Variants in PITX3 observed in about 807,000 individuals in gnomAD.
PITX3 encodes pituitary homeobox 3.
In PITX3, 4 loss-of-function variants were observed where a neutral mutation model predicts 14.2. The ratio of observed to expected loss-of-function variants is 0.28; its 90% CI spans 0.14 to 0.65. The LOEUF is 0.65. Among genes scored for constraint, PITX3 ranks in the 30% least tolerant of loss-of-function variants. PITX3 has a pLI of 0.82. For missense variants in PITX3, 358 were observed against 426.8 expected (o/e 0.84, Z 1.42); for synonymous variants, 194 against 204.5 (o/e 0.95, Z 0.44).
At chr10:102,232,884 T>C (rs1367998551) in intron 1 of PITX3, among the ~76,000 whole-genome samples, 1 of 152,216 alleles carries the variant, frequency 6.6e-6, no homozygotes, top group Non-Finnish European at 1.5e-5. Context: ...CCAGACCTGA[T>C]ATTTCTCCCT....
intron 1 of PITX3, among the ~76,000 whole-genome samples, chr10:102,235,166 T>TCCCCCCCCC (rs1388718222): frequency 4.2e-4 from 25 of 59,054 alleles, no homozygotes; most frequent in Middle Eastern, 7.1e-3. Flanking sequence ...TTATTACCCT[T>TCCCCCCCCC]CCCCCACCCC....
rs2070200181 is a variant in PITX3 at position 102,230,420 on chromosome 10, C to G, written c.*94G>C. 1 of 1,511,012 alleles carries G rather than the reference C, an allele frequency of 6.6e-7. No homozygotes were observed. Among genetic ancestry groups the G allele is most frequent in the East Asian group, 2.5e-5 (1 of 40,640 alleles). The allele number at this position is 1,511,012 out of a possible 1,614,324, so 93.6% of individuals were successfully genotyped here. On this transcript the variant is annotated 3_prime_UTR_variant, in exon 4 of 4. Transcript: ENST00000370002. ...GCTGCCCAAACACCCCTTTCAGACC[C>G]TGGGGCGGGAGCAAGCCAGTCAAAA...
Position 102,230,900 on chromosome 10 carries a change from T to G in PITX3, c.523A>C (p.Asn175His). The change falls in exon 4 of 4, where the codon AAC becomes CAC. Residue 175 changes from asparagine to histidine, a missense_variant. Physicochemically the swap from Asn to His is moderately conservative, Grantham distance 68 (BLOSUM62 1). Around this residue, in one of 3 missense-constraint regions of PITX3, gnomAD observed 236 missense variants for 250.2 expected, o/e 0.94. Transcript: ENST00000370002. ...GCCAGAGGCCCCACGTTGACCGAGT[T>G]GAAGGCGAATGGAAAGGTCTTGGCG... ...LAAKTFPFAF[N>H]SVNVGPLASQ... The G allele has an allele frequency of 6.2e-7, 1 of 1,611,660 alleles. No homozygotes were observed. Among genetic ancestry groups the G allele is most frequent in the Non-Finnish European group, 8.5e-7 (1 of 1,179,302 alleles).
chr10:102,231,947 A>T lies in PITX3; in HGVS notation c.118+16T>A. ...AAGCTGTTATGTCCTGCACCCCCGG[A>T]AGGGGGCGCGCTTACCGCTGTGCTC... On this transcript the variant is annotated intron_variant, in intron 2 of 3. Transcript: ENST00000370002. The T allele has an allele frequency of 1.3e-6, 2 of 1,591,156 alleles. No individual in the cohort carries two copies. The highest frequency in any genetic ancestry group is 1.7e-6 in the Non-Finnish European group (2 of 1,162,782).
intron 1 of PITX3, among the ~76,000 whole-genome samples, chr10:102,237,875 C>A (rs12766894): frequency 6.6e-6 from 1 of 151,892 alleles, no homozygotes; most frequent in Admixed American, 6.6e-5. Flanking sequence ...TCCCGTACTG[C>A]CCTCCTCCCC....
intron 1 of PITX3, among the ~76,000 whole-genome samples, chr10:102,240,126 C>T (rs367569208): frequency 8.5e-5 from 13 of 152,190 alleles, no homozygotes; most frequent in African/African-American, 2.9e-4. Context: ...AGCCATTGGT[C>T]GCCTGATACT....
intron 2 of PITX3, 37 bp from the exon 3 acceptor site, chr10:102,231,827 A>C (rs1455356824): frequency 3.8e-6 from 6 of 1,592,198 alleles, no homozygotes; most frequent in Non-Finnish European, 5.1e-6. Context: ...CAGAGCGCCC[A>C]AGCCAGCGCA....
chr10:102,230,809 G>A lies in PITX3; in HGVS notation c.614C>T (p.Ala205Val). 6.4e-7 allele frequency: 1 copy of A among 1,558,252 alleles called. No individual in the cohort carries two copies. The highest frequency in any genetic ancestry group is 8.7e-7 in the Non-Finnish European group (1 of 1,151,980). Reference protein sequence around the residue: ...AASMVPSAAAAPGTVPGPGAL... With the variant: ...AASMVPSAAAVPGTVPGPGAL... Reference sequence around the variant, plus strand: ...CCCAGGCCCTGGCACGGTGCCCGGGGCAGCCGCGGCGGAGGGCACCATGGA... The same window carrying A: ...CCCAGGCCCTGGCACGGTGCCCGGGACAGCCGCGGCGGAGGGCACCATGGA... The change falls in exon 4 of 4, where the codon GCC becomes GTC. Residue 205 changes from alanine (A) to valine (V), a missense_variant. Ala to Val is a moderately conservative substitution (Grantham distance 64). This residue lies in a region of PITX3 where 236 missense variants were observed against 250.2 expected (regional missense o/e 0.94). Transcript: ENST00000370002.
chr10:102,237,356 C>T (rs1010732787), intron 1 of PITX3, among the ~76,000 whole-genome samples: 7 of 152,096 alleles, frequency 4.6e-5, no homozygotes, highest in Non-Finnish European at 8.8e-5. Context: ...TCTAAATAAT[C>T]AGCAGTGTTG....
At chr10:102,233,681 G>A (rs537249694) in intron 1 of PITX3, among the ~76,000 whole-genome samples, 1 of 152,194 alleles carries the variant, frequency 6.6e-6, no homozygotes, top group East Asian at 1.9e-4. Context: ...AAACCACTGG[G>A]TGCTTGGGCC....
chr10:102,233,235 C>T (rs1334292914), intron 1 of PITX3, among the ~76,000 whole-genome samples: 1 of 151,224 alleles, frequency 6.6e-6, no homozygotes. Context: ...TTGCTTGGGT[C>T]GGCTTCAGCT....
rs1012579728 is a variant in PITX3, at chr10:102,230,254, G to A, written c.*260C>T. 1 of 457,488 alleles carries A rather than the reference G, an allele frequency of 2.2e-6. No homozygotes were observed. The highest frequency in any genetic ancestry group is 4.7e-5 in the South Asian group (1 of 21,108). The allele number at this position is 457,488 out of a possible 1,614,324, so 28.3% of individuals were successfully genotyped here. A position where few individuals can be genotyped will look rare whatever the true frequency, so the allele number is the denominator to read the frequency against. On this transcript the variant is annotated 3_prime_UTR_variant, in exon 4 of 4. Transcript: ENST00000370002. ...AGGGAGGGGAAGCCTGGAGAAGGCG[G>A]GATGGGCCAAGGGTGAGTTGGCCCC... is the stretch of plus-strand genomic sequence containing the variant.
rs1590405767 is a variant in PITX3, at chr10:102,232,021, G to C, written c.60C>G (p.Asp20Glu). 6.2e-7 allele frequency: 1 copy of C among 1,608,876 alleles called. No homozygotes were observed. The highest frequency in any genetic ancestry group is 1.3e-5 in the African/African-American group (1 of 75,030). The change falls in exon 2 of 4, where the codon GAC (aspartate) becomes GAG (glutamate). Residue 20 changes from aspartate to glutamate, a missense_variant. By Grantham distance (45) the Asp-to-Glu change is conservative. This residue lies in a region of PITX3 where 72 missense variants were observed against 79.9 expected (regional missense o/e 0.90). Transcript: ENST00000370002. The part of the protein sequence containing the change: ...EARSPALSLS[D>E]AGTPHPQLPE... Reference sequence around the variant, plus strand: ...GGAGCTGGGGGTGCGGAGTGCCAGCGTCTGACAGCGACAGGGCAGGGCTCC... The same window carrying C: ...GGAGCTGGGGGTGCGGAGTGCCAGCCTCTGACAGCGACAGGGCAGGGCTCC...
chr10:102,233,851 C>T (rs1237836292), intron 1 of PITX3, among the ~76,000 whole-genome samples: 1 of 152,174 alleles, frequency 6.6e-6, no homozygotes, highest in Non-Finnish European at 1.5e-5. Flanking sequence ...CTCACATTGC[C>T]CAGGAGCCTC....
chr10:102,238,482 T>C (rs533925772), intron 1 of PITX3, among the ~76,000 whole-genome samples: 20 of 152,306 alleles, frequency 1.3e-4, no homozygotes, highest in African/African-American at 4.3e-4. Context: ...GCAGGGGTAG[T>C]GGCCAGCATC....
Position 102,231,610 on chromosome 10 carries a change from T to C in PITX3, c.299A>G (p.Asn100Ser). Residue 100 changes from asparagine (N) to serine (S), a missense_variant, in exon 3 of 4, where the codon AAC becomes AGC. Transcript: ENST00000370002. The part of the protein sequence containing the change: ...STREEIAVWT[N>S]LTEARVRVWF... The stretch of plus-strand genomic sequence containing the variant: ...TACCCGCACGCGGGCCTCGGTGAGG[T>C]TGGTCCACACGGCGATCTCCTCGCG... The C allele has an allele frequency of 6.2e-7, 1 of 1,607,924 alleles. No homozygotes were observed. The highest frequency in any genetic ancestry group is 8.5e-7 in the Non-Finnish European group (1 of 1,177,204).
At chr10:102,231,278 G>A (rs1271205371) in intron 3 of PITX3, among the ~76,000 whole-genome samples, 177 bp from the exon 4 acceptor site, 5 of 152,224 alleles carry the variant, frequency 3.3e-5, no homozygotes, top group Admixed American at 6.5e-5. Context: ...AACAGAAGGC[G>A]CGGGCGGCTG....
intron 2 of PITX3, 66 bp downstream of exon 2, chr10:102,231,897 C>G: frequency 6.4e-7 from 1 of 1,557,006 alleles, no homozygotes. Flanking sequence ...GCTGCCCAGC[C>G]GGGGTCCCAC....
chr10:102,231,857 C>T, intron 2 of PITX3, 67 bp from the exon 3 acceptor site: 2 of 1,576,994 alleles, frequency 1.3e-6, no homozygotes, highest in Non-Finnish European at 1.7e-6. Flanking sequence ...GCTCGGGGAC[C>T]TCCTAAGCCA....
Sources: allele counts gnomAD v4.1 joint callset (sites outside exome capture counted in the v4.1 genomes callset), GRCh38; gene constraint gnomAD v4.1.1; regional missense constraint gnomAD v4.1.1; transcripts MANE v1.5; gene names NCBI Gene and HGNC (gene_info 2026-07-23, HGNC 2026-07-21).